CREB5: variants seen among roughly 807,000 people sequenced by gnomAD.
CREB5 encodes the protein cAMP responsive element binding protein 5, also known as cyclic AMP-responsive element-binding protein 5.
A neutral mutation model predicts 57.1 loss-of-function variants in CREB5; 19 were observed. The observed-to-expected ratio is 0.33, with a 90% CI of 0.23 to 0.49. The LOEUF is 0.49. CREB5 is among the 20% of genes least tolerant of loss of function. CREB5 has a pLI of 0.99. For synonymous variants in CREB5, 238 were observed against 238.3 expected, an observed-to-expected ratio of 1.00 and a Z score of 0.01; for missense variants, 579 against 671.6, an observed-to-expected ratio of 0.86 and a Z score of 1.52.
intron 1 of CREB5, among the ~76,000 whole-genome samples, chr7:28,436,785 A>C (rs1788980748): frequency 6.6e-6 from 1 of 152,154 alleles, no homozygotes; most frequent in Non-Finnish European, 1.5e-5. Context: ...TGCCTCTGAT[A>C]AAGGGGACCA....
intron 1 of CREB5, among the ~76,000 whole-genome samples, chr7:28,362,764 GA>G (rs752578372): frequency 1.3e-5 from 2 of 152,126 alleles, no homozygotes; most frequent in Non-Finnish European, 2.9e-5. Flanking sequence ...ACACACACAT[GA>G]AAATCGGAAA....
At chr7:28,555,786 T>A (rs1475203801) in intron 4 of CREB5, among the ~76,000 whole-genome samples, 1 of 152,188 alleles carries the variant, frequency 6.6e-6, no homozygotes, top group South Asian at 2.1e-4. Flanking sequence ...GCTCCAGCAA[T>A]ATGGGTGTTG....
rs1462430806 is a variant in CREB5 at position 28,560,849 on chromosome 7, T to C, written c.292-9516T>C. ...GCGCGCGCGCGTGTGTGTGTGCGCG[T>C]GTGTGTGTGCGTGTGCCTGCGTGCG... On this transcript the variant is annotated intron_variant, in intron 4 of 10. Transcript: ENST00000357727. Among the ~76,000 whole-genome samples, 56 of 87,124 alleles carry C rather than the reference T, an allele frequency of 6.4e-4. 15 individuals are homozygous for C. The highest frequency in any genetic ancestry group is 1.6e-3 in the African/African-American group (29 of 18,284). 57.2% of individuals were successfully genotyped at this position (87,124 alleles called of 152,430 possible).
At chr7:28,595,896 C>G (rs966689815) in intron 5 of CREB5, among the ~76,000 whole-genome samples, 2 of 152,174 alleles carry the variant, frequency 1.3e-5, no homozygotes, top group African/African-American at 2.4e-5. Context: ...GTATCTTAAC[C>G]TCGGCAGACA....
chr7:28,337,677 A>G (rs749228859), intron 1 of CREB5, among the ~76,000 whole-genome samples: 1 of 151,970 alleles, frequency 6.6e-6, no homozygotes, highest in African/African-American at 2.4e-5. Flanking sequence ...TTTTGATTGG[A>G]AAGATTTGTC....
At chr7:28,365,922 A>G (rs1279386977) in intron 1 of CREB5, among the ~76,000 whole-genome samples, 1 of 152,182 alleles carries the variant, frequency 6.6e-6, no homozygotes, top group African/African-American at 2.4e-5. Context: ...GTTCATCATA[A>G]GTTTAAATAG....
intron 1 of CREB5, among the ~76,000 whole-genome samples, chr7:28,327,067 T>TAA (rs1785621032): frequency 6.9e-6 from 1 of 145,710 alleles, no homozygotes; most frequent in Non-Finnish European, 1.5e-5. Flanking sequence ...GGGAATCATT[T>TAA]AAACCTGGGA....
chr7:28,648,473 C>A (rs975351235), intron 5 of CREB5, among the ~76,000 whole-genome samples: 1 of 152,146 alleles, frequency 6.6e-6, no homozygotes, highest in Non-Finnish European at 1.5e-5. Flanking sequence ...CTGTGGCTCA[C>A]ACCTGTAATC....
At chr7:28,516,027 A>T (rs968017182) in intron 4 of CREB5, among the ~76,000 whole-genome samples, 1 of 151,958 alleles carries the variant, frequency 6.6e-6, no homozygotes, top group Non-Finnish European at 1.5e-5. Flanking sequence ...TGGCAACATA[A>T]TGAGACCTCT....
chr7:28,449,215 G>T (rs575747646), intron 1 of CREB5, among the ~76,000 whole-genome samples: 3 of 152,162 alleles, frequency 2.0e-5, no homozygotes, highest in South Asian at 2.1e-4. Context: ...TTTTTGTTTG[G>T]TTTTGTTTTT....
chr7:28,714,538 T>C (rs1191084306), intron 5 of CREB5, among the ~76,000 whole-genome samples: 1 of 152,182 alleles, frequency 6.6e-6, no homozygotes, highest in African/African-American at 2.4e-5. Flanking sequence ...AAGAAGACCC[T>C]GTAGACACAG....
intron 1 of CREB5, among the ~76,000 whole-genome samples, chr7:28,336,347 CTTT>C (rs1398065283): frequency 1.3e-5 from 2 of 151,980 alleles, no homozygotes; most frequent in African/African-American, 4.8e-5. Flanking sequence ...TGCTGGGAGA[CTTT>C]TTATTATGGC....
At chr7:28,409,952 C>G (rs917241289), upstream of CREB5, 1 of 453,446 alleles carries the variant, frequency 2.2e-6, no homozygotes, top group Non-Finnish European at 4.4e-6. This position sits in a 1 kb window ranked among gnomAD's most constrained non-coding sequence, Gnocchi z 4.4. Context: ...GCGGAGACGG[C>G]GAGCCAGGAA....
At chr7:28,438,850 A>C (rs1235637795) in intron 1 of CREB5, among the ~76,000 whole-genome samples, 3 of 152,198 alleles carry the variant, frequency 2.0e-5, no homozygotes, top group Non-Finnish European at 4.4e-5. Flanking sequence ...AATAAAATCG[A>C]CCAGTTACAA....
intron 5 of CREB5, among the ~76,000 whole-genome samples, chr7:28,597,224 A>G (rs903937880): frequency 1.4e-4 from 22 of 152,234 alleles, no homozygotes; most frequent in African/African-American, 5.1e-4. Flanking sequence ...TGTGAGTTGC[A>G]TAAGGCCTTG....
chr7:28,302,625 G>A (rs528522699), intron 1 of CREB5, among the ~76,000 whole-genome samples: 1 of 152,248 alleles, frequency 6.6e-6, no homozygotes, highest in East Asian at 1.9e-4. Context: ...AGGATTTAGG[G>A]TGTGATGTGC....
At position 28,779,771 on chromosome 7, in the gene CREB5, C is replaced by T. The variant is rs1367634555; in HGVS notation, c.703-24428C>T. Among the ~76,000 whole-genome samples the T allele has an allele frequency of 2.6e-5, 4 of 152,102 alleles. No homozygotes were observed. In the East Asian group the frequency reaches 7.7e-4, roughly 29 times the overall value. On this transcript the variant is annotated intron_variant, in intron 7 of 10. Transcript: ENST00000357727. ...GTTCCTCTCAAACCCGTCCATATAA[C>T]CCACCCAAATTCCAAATTGGATTTT...
At chr7:28,641,334 G>C (rs1003792940) in intron 5 of CREB5, among the ~76,000 whole-genome samples, 1 of 152,078 alleles carries the variant, frequency 6.6e-6, no homozygotes, top group Non-Finnish European at 1.5e-5. Context: ...AGGGAAGATG[G>C]GGCTAAAATT....
At chr7:28,818,651 C>T (rs912594382) in intron 10 of CREB5, 4 of 432,540 alleles carry the variant, frequency 9.2e-6, no homozygotes, top group Non-Finnish European at 1.8e-5. Context: ...CCTTCAGACC[C>T]CAGTTTCTGC....
Sources: allele counts gnomAD v4.1 joint callset (sites outside exome capture counted in the v4.1 genomes callset), GRCh38; gene constraint gnomAD v4.1.1; non-coding constraint Gnocchi (gnomAD v3.1); transcripts MANE v1.5; gene names NCBI Gene and HGNC (gene_info 2026-07-23, HGNC 2026-07-21).